GABRB3: variants seen among roughly 807,000 people sequenced by gnomAD.
GABRB3 encodes the protein gamma-aminobutyric acid receptor subunit beta-3.
Under a neutral mutation model 52.1 loss-of-function variants are expected in GABRB3, and 14 were observed. The ratio of observed to expected loss-of-function variants is 0.27; its 90% CI spans 0.18 to 0.42. The LOEUF is 0.42. GABRB3 is among the 10% of genes least tolerant of loss of function. GABRB3 has a pLI of 1.00. For synonymous variants in GABRB3, 260 were observed against 232.3 expected (o/e 1.12, Z -1.08); for missense variants, 307 against 609.1 (o/e 0.50, Z 5.22).
chr15:26,615,120 G>T, intron 4 of GABRB3: 1 of 214,710 alleles, frequency 4.7e-6, no homozygotes, highest in Non-Finnish European at 8.0e-6. Flanking sequence ...CCAAGAGACT[G>T]AAAAAGAAAG....
intron 3 of GABRB3, among the ~76,000 whole-genome samples, chr15:26,728,266 A>G (rs144552529): frequency 6.6e-5 from 10 of 152,294 alleles, no homozygotes; most frequent in Non-Finnish European, 1.2e-4. Flanking sequence ...TCCCTCTGTA[A>G]CAGCACTAGA....
At chr15:26,678,443 A>G (rs1888134018) in intron 3 of GABRB3, among the ~76,000 whole-genome samples, 2 of 152,202 alleles carry the variant, frequency 1.3e-5, no homozygotes, top group South Asian at 2.1e-4. Flanking sequence ...CAGCCTGCCC[A>G]GGCCCCGTGC....
chr15:26,770,641 C>A (rs148993830), intron 3 of GABRB3, among the ~76,000 whole-genome samples: 1 of 152,358 alleles, frequency 6.6e-6, no homozygotes, highest in African/African-American at 2.4e-5. Context: ...GTGTAGAGTT[C>A]TTAAAGGGCC....
At chr15:26,712,659 A>G (rs1566815333) in intron 3 of GABRB3, among the ~76,000 whole-genome samples, 1 of 152,124 alleles carries the variant, frequency 6.6e-6, no homozygotes, top group Non-Finnish European at 1.5e-5. Flanking sequence ...GGGAGAAGTG[A>G]CAGCTTGTAT....
intron 3 of GABRB3, among the ~76,000 whole-genome samples, chr15:26,703,094 T>A (rs1195068028): frequency 6.6e-6 from 1 of 152,190 alleles, no homozygotes; most frequent in Admixed American, 6.5e-5. Context: ...GACATCAGGA[T>A]CTAATCACCT....
chr15:26,572,170 G>A (rs1890431530), intron 6 of GABRB3, among the ~76,000 whole-genome samples: 2 of 152,098 alleles, frequency 1.3e-5, no homozygotes, highest in African/African-American at 4.8e-5. Context: ...AAACAACGAA[G>A]GTGAATAAAA....
intron 3 of GABRB3, among the ~76,000 whole-genome samples, chr15:26,735,173 T>C (rs1262644297): frequency 6.6e-6 from 1 of 152,054 alleles, no homozygotes; most frequent in Non-Finnish European, 1.5e-5. Context: ...GGACTACAAA[T>C]CAAAACCACA....
intron 4 of GABRB3, among the ~76,000 whole-genome samples, chr15:26,595,820 G>A (rs1290209176): frequency 6.6e-6 from 1 of 152,100 alleles, no homozygotes; most frequent in African/African-American, 2.4e-5. Flanking sequence ...GATTCACACA[G>A]CATTCTTGCC....
chr15:26,730,671 G>C (rs889453122), intron 3 of GABRB3, among the ~76,000 whole-genome samples: 3 of 152,022 alleles, frequency 2.0e-5, no homozygotes, highest in Non-Finnish European at 4.4e-5. Context: ...TTCTAGGTTT[G>C]GTATCTATAT....
intron 3 of GABRB3, among the ~76,000 whole-genome samples, chr15:26,761,364 C>A (rs2140183750): frequency 6.6e-6 from 1 of 150,706 alleles, no homozygotes; most frequent in Non-Finnish European, 1.5e-5. Flanking sequence ...CATTGCACTC[C>A]AGCCTGGGTG....
intron 3 of GABRB3, among the ~76,000 whole-genome samples, chr15:26,768,138 G>A (rs1165893517): frequency 6.6e-6 from 1 of 151,612 alleles, no homozygotes; most frequent in African/African-American, 2.4e-5. Flanking sequence ...TTACCCAAAA[G>A]GAACTCTAAT....
chr15:26,681,079 C>T (rs1888225220), intron 3 of GABRB3, among the ~76,000 whole-genome samples: 2 of 152,056 alleles, frequency 1.3e-5, no homozygotes, highest in African/African-American at 4.8e-5. Flanking sequence ...TTTTAAAAAT[C>T]GTATTGCTCA....
intron 3 of GABRB3, among the ~76,000 whole-genome samples, chr15:26,690,316 T>A (rs11636320): frequency 0.53 from 80,990 of 151,618 alleles, 23,720 homozygotes; most frequent in East Asian, 0.85. Flanking sequence ...TGGCCTCAAG[T>A]GACCCTCCCA....
At chr15:26,555,379 G>C (rs541087421) in intron 8 of GABRB3, among the ~76,000 whole-genome samples, 1 of 152,082 alleles carries the variant, frequency 6.6e-6, no homozygotes, top group Non-Finnish European at 1.5e-5. Context: ...ACAAGACATC[G>C]GGTAAAATGA....
At chr15:26,584,252 C>T (rs1374519828) in intron 4 of GABRB3, among the ~76,000 whole-genome samples, 2 of 152,112 alleles carry the variant, frequency 1.3e-5, no homozygotes, top group Non-Finnish European at 2.9e-5. Context: ...CAAGGGAGTT[C>T]TTACCTTCAA....
chr15:26,745,234 C>T (rs568690655), intron 3 of GABRB3, among the ~76,000 whole-genome samples: 2 of 152,212 alleles, frequency 1.3e-5, no homozygotes, highest in East Asian at 1.9e-4. Context: ...TACAGTTCAA[C>T]GTGAGATTAG....
intron 3 of GABRB3, among the ~76,000 whole-genome samples, chr15:26,655,133 A>G (rs960954186): frequency 1.3e-5 from 2 of 152,224 alleles, no homozygotes; most frequent in African/African-American, 4.8e-5. Context: ...ATTGATTTAC[A>G]AGATTGTGTT....
intron 3 of GABRB3, among the ~76,000 whole-genome samples, chr15:26,763,474 C>T: frequency 6.6e-6 from 1 of 152,144 alleles, no homozygotes; most frequent in East Asian, 1.9e-4. Flanking sequence ...TTCTAGTATA[C>T]TTTTGGCCTG....
At position 26,773,053 on chromosome 15, in the gene GABRB3, G is replaced by T; in HGVS notation, c.-91C>A. ...TGCTCCTGCTGCTGCCGCCGCCGCC[G>T]CCGCCGCCGCGCTGGCCCGGAGCGG... On this transcript the variant is annotated 5_prime_UTR_variant, in exon 1 of 9. Coordinates refer to ENST00000311550, the MANE Select transcript of GABRB3 (RefSeq NM_000814.6). 3 of 1,077,106 alleles carry T rather than the reference G, an allele frequency of 2.8e-6. No individual in the cohort carries two copies. The highest frequency in any genetic ancestry group is 3.4e-6 in the Non-Finnish European group (3 of 890,504). 66.7% of individuals were successfully genotyped at this position (1,077,106 alleles called of 1,614,324 possible).
Sources: gnomAD v4.1 joint callset for allele counts (sites outside exome capture counted in the v4.1 genomes callset) on GRCh38, gnomAD v4.1.1 for gene constraint, MANE v1.5 for transcripts, NCBI Gene and HGNC (gene_info 2026-07-23, HGNC 2026-07-21) for gene names.